ARMC2: variants seen among roughly 807,000 people sequenced by gnomAD.
The protein encoded by ARMC2 is armadillo repeat-containing protein 2.
ARMC2 carries 67 observed loss-of-function variants against 90.3 expected under a neutral mutation model. The ratio of observed to expected loss-of-function variants is 0.74; its 90% CI spans 0.61 to 0.91. ARMC2 has a LOEUF of 0.91. Among genes scored for constraint, ARMC2 ranks in the 40% least tolerant of loss-of-function variants. ARMC2 has a pLI of 0.00. For synonymous variants in ARMC2, 393 were observed against 393.0 expected (o/e 1.00, Z 0.00); for missense variants, 920 against 1,030.9 (o/e 0.89, Z 1.47).
the ARMC2 span, among the ~76,000 whole-genome samples, chr6:108,989,003 G>A: frequency 6.6e-6 from 1 of 152,140 alleles, no homozygotes; most frequent in East Asian, 1.9e-4. Context: ...TAGCCACACT[G>A]AGGAACAAAC....
intron 12 of ARMC2, among the ~76,000 whole-genome samples, chr6:108,949,894 C>T (rs771603184): frequency 1.3e-5 from 2 of 152,300 alleles, no homozygotes; most frequent in African/African-American, 4.8e-5. Context: ...CAGATGCTCT[C>T]TCAAACTAAT....
At chr6:108,909,680 C>G (rs571142200) in intron 8 of ARMC2, among the ~76,000 whole-genome samples, 1 of 152,040 alleles carries the variant, frequency 6.6e-6, no homozygotes, top group Non-Finnish European at 1.5e-5. Context: ...GGATTACAGG[C>G]GCGTGCCACC....
chr6:108,913,873 G>T (rs1298999290), intron 10 of ARMC2, among the ~76,000 whole-genome samples: 3 of 152,102 alleles, frequency 2.0e-5, no homozygotes, highest in African/African-American at 7.2e-5. Context: ...TCAACAAATG[G>T]AATATTCTAT....
At chr6:109,052,889 C>G in the ARMC2 span, among the ~76,000 whole-genome samples, 1 of 152,268 alleles carries the variant, frequency 6.6e-6, no homozygotes, top group Middle Eastern at 3.4e-3. Context: ...ATGAGCAAAA[C>G]TACACAGCTG....
At chr6:108,862,358 ACAAAAAAAAC>A (rs1775345298) in intron 3 of ARMC2, among the ~76,000 whole-genome samples, 8 of 102,086 alleles carry the variant, frequency 7.8e-5, no homozygotes, top group African/African-American at 2.6e-4. Flanking sequence ...AAAAAAAAAA[ACAAAAAAAAC>A]AAACAAAACC....
chr6:108,978,777 T>A (rs531056549), downstream of ARMC2, among the ~76,000 whole-genome samples: 1 of 152,312 alleles, frequency 6.6e-6, no homozygotes, highest in East Asian at 1.9e-4. Context: ...TTGTTCTGTA[T>A]TGGTTTAAAG....
In ARMC2 at chr6:108,964,319, T is replaced by G; in HGVS notation, c.2285+7T>G. 6.2e-7 allele frequency: 1 copy of G among 1,613,354 alleles called. No homozygotes were observed. Among genetic ancestry groups the G allele is most frequent in the Non-Finnish European group, 8.5e-7 (1 of 1,179,536 alleles). On this transcript the variant is annotated splice_region_variant and intron_variant, in intron 16 of 17. Coordinates refer to ENST00000392644, the MANE Select transcript of ARMC2 (RefSeq NM_032131.6). ...AAGGAGGTGGCATTAAAAAGTAAGT[T>G]TCAGGGCGTAGAGTACTGACTCTCT... is the stretch of plus-strand genomic sequence containing the variant.
chr6:109,044,213 G>A, the ARMC2 span, among the ~76,000 whole-genome samples: 20 of 148,738 alleles, frequency 1.3e-4, no homozygotes, highest in South Asian at 4.1e-3. Context: ...TACTTGGGAG[G>A]CTAAGACAGG....
chr6:108,900,083 A>G (rs546918806), intron 7 of ARMC2, among the ~76,000 whole-genome samples: 1 of 152,314 alleles, frequency 6.6e-6, no homozygotes, highest in South Asian at 2.1e-4. Context: ...GTCCAAGGAA[A>G]TGCTGGTTTA....
chr6:109,021,989 G>A, the ARMC2 span, among the ~76,000 whole-genome samples: 1 of 151,738 alleles, frequency 6.6e-6, no homozygotes, highest in African/African-American at 2.4e-5. Flanking sequence ...GGATATACTA[G>A]TCTTATTTAT....
rs1583013619 is a variant in ARMC2, at chr6:108,886,102, A to T, written c.672-8365A>T. Reference sequence around the variant, plus strand: ...TATGGCAAGGATAAGTTTAGTTCAAAAGTTGCTAAATTTTCTCTTATCCAT... The same window carrying T: ...TATGGCAAGGATAAGTTTAGTTCAATAGTTGCTAAATTTTCTCTTATCCAT... On this transcript the variant is annotated intron_variant, in intron 5 of 17. Transcript: ENST00000392644. 5.9e-5 allele frequency among the ~76,000 whole-genome samples: 9 copies of T among 152,342 alleles called. No homozygotes were observed. In the South Asian group the frequency reaches 1.9e-3, roughly 32 times the overall value.
In ARMC2 at chr6:108,899,669, C is replaced by T. The variant is rs762015846; in HGVS notation, c.749-25C>T. On this transcript the variant is annotated intron_variant, in intron 6 of 17. Coordinates refer to ENST00000392644, the MANE Select transcript of ARMC2 (RefSeq NM_032131.6). ...GACAACTCCTTTTTCATAGCTTTTT[C>T]TCCTGCTCTGGATTTCTTTTGCAGT... The T allele has an allele frequency of 2.5e-6, 4 of 1,581,782 alleles. No homozygotes were observed. The South Asian group carries it at 4.5e-5, about 18-fold the overall frequency.
chr6:108,883,326 C>T (rs1777774616), intron 5 of ARMC2, among the ~76,000 whole-genome samples: 1 of 152,160 alleles, frequency 6.6e-6, no homozygotes, highest in Non-Finnish European at 1.5e-5. Context: ...TTCCAGAAAA[C>T]CTGTAGACAA....
chr6:109,004,970 G>C, the ARMC2 span, among the ~76,000 whole-genome samples: 9 of 152,252 alleles, frequency 5.9e-5, no homozygotes, highest in Admixed American at 3.9e-4. Context: ...TGAGAAAAAA[G>C]AGTATAGAGA....
Position 108,953,347 on chromosome 6 carries a change from G to GCT in ARMC2, c.1912_1913dup (p.Glu639TrpfsTer13). ...GGATAGTGGGCCTGCTCCTGACCACGCTGGGTGAGAACCGCAGCCCACTGG... is the reference window on the plus strand; with the variant it reads ...GGATAGTGGGCCTGCTCCTGACCACGCTCTGGGTGAGAACCGCAGCCCACTGG... On this transcript the variant is annotated frameshift_variant, in exon 13 of 18. Coordinates refer to ENST00000392644, the MANE Select transcript of ARMC2 (RefSeq NM_032131.6). LOFTEE classifies it high-confidence loss of function. 1 of 1,598,950 alleles carries GCT rather than the reference G, an allele frequency of 6.3e-7. No homozygotes were observed. Among genetic ancestry groups the GCT allele is most frequent in the Non-Finnish European group, 8.5e-7 (1 of 1,175,290 alleles).
At chr6:108,862,985 G>A (rs1384902425) in intron 3 of ARMC2, among the ~76,000 whole-genome samples, 2 of 152,188 alleles carry the variant, frequency 1.3e-5, no homozygotes, top group Admixed American at 6.5e-5. Context: ...ACCCTCCAGC[G>A]GGCAATGGGC....
chr6:108,948,927 G>A (rs1776987749), intron 12 of ARMC2, among the ~76,000 whole-genome samples: 1 of 152,014 alleles, frequency 6.6e-6, no homozygotes, highest in African/African-American at 2.4e-5. Context: ...AAATCAACAC[G>A]GATAGCTGGA....
At chr6:108,962,295 G>A (rs1295682371) in intron 15 of ARMC2, among the ~76,000 whole-genome samples, 168 bp downstream of exon 15, 2 of 152,198 alleles carry the variant, frequency 1.3e-5, no homozygotes, top group African/African-American at 4.8e-5. Context: ...CCTAGGCAGT[G>A]TTCCCCTCTG....
At chr6:108,953,387 A>G (rs1260089761) in intron 13 of ARMC2, 36 bp downstream of exon 13, 1 of 1,555,304 alleles carries the variant, frequency 6.4e-7, no homozygotes, top group East Asian at 2.3e-5. Context: ...AGCAGACACA[A>G]CCAACTTTCC....
Sources: gnomAD v4.1 joint callset for allele counts (sites outside exome capture counted in the v4.1 genomes callset) on GRCh38, gnomAD v4.1.1 for gene constraint, MANE v1.5 for transcripts, NCBI Gene and HGNC (gene_info 2026-07-23, HGNC 2026-07-21) for gene names.